Variants in SCN4A observed in about 807,000 individuals in gnomAD.
The protein encoded by SCN4A is sodium channel protein type 4 subunit alpha.
A neutral mutation model predicts 162.0 loss-of-function variants in SCN4A; 83 were observed. That is an observed-to-expected ratio of 0.51 (90% CI 0.43 to 0.61). The LOEUF is 0.61. Ranked by LOEUF, SCN4A falls within the 20% of genes least tolerant of loss-of-function variation. SCN4A has a pLI of 0.00. For missense variants in SCN4A, 2,196 were observed against 2,462.5 expected (o/e 0.89, Z 2.29); for synonymous variants, 944 against 985.1 (o/e 0.96, Z 0.78).
At chr17:63,953,347 G>A (rs1027631496) in intron 13 of SCN4A, among the ~76,000 whole-genome samples, 5 of 151,610 alleles carry the variant, frequency 3.3e-5, no homozygotes, top group African/African-American at 9.7e-5. Context: ...GCGACAGAGC[G>A]AGACTCCATC....
chr17:63,964,704 G>A, intron 8 of SCN4A, 27 bp from the exon 9 acceptor site: 3 of 1,575,002 alleles, frequency 1.9e-6, no homozygotes, highest in Non-Finnish European at 2.6e-6. Flanking sequence ...AGGGAGTGGA[G>A]GGGTCCCATG....
chr17:63,947,013 C>CCCCCCCCCCCCAGGGCCCCTG, intron 18 of SCN4A, 32 bp downstream of exon 18: 1 of 1,459,526 alleles, frequency 6.9e-7, no homozygotes, highest in Non-Finnish European at 9.4e-7. Context: ...CCCCCATCCC[C>CCCCCCCCCCCCAGGGCCCCTG]AGCCCACCCC....
Position 63,957,725 on chromosome 17 carries a change from C to T in SCN4A, c.2020-207G>A, listed in dbSNP as rs544164156. ...TGTTAAAAAGAAAACAAGTCCAGGC[C>T]AGGCGCGGTGGCTCACGCCTGTAAT... On this transcript the variant is annotated intron_variant, in intron 12 of 23. Coordinates refer to ENST00000435607, the MANE Select transcript of SCN4A (RefSeq NM_000334.4). 3.3e-3 allele frequency among the ~76,000 whole-genome samples: 509 copies of T among 152,212 alleles called. 3 individuals carry two copies. Among genetic ancestry groups the T allele is most frequent in the African/African-American group, 0.011 (466 of 41,544 alleles).
In SCN4A at chr17:63,972,254, G is replaced by A. The variant is rs1172002407; in HGVS notation, c.393-29C>T. The A allele has an allele frequency of 6.2e-7, 1 of 1,606,666 alleles. No individual in the cohort carries two copies. Among genetic ancestry groups the A allele is most frequent in the South Asian group, 1.1e-5 (1 of 90,432 alleles). ...GGGCAGGGTCAAGGAAAGTGAGGAA[G>A]CAGCTAGGATGGGAGGTGATAGAGG... On this transcript the variant is annotated intron_variant, in intron 2 of 23. Transcript: ENST00000435607. The surrounding 1 kb of genome is among the most constrained non-coding windows in gnomAD (Gnocchi z 4.3).
At position 63,945,329 on chromosome 17, in the gene SCN4A, G is replaced by T. The variant is rs746012374; in HGVS notation, c.3720+31C>A. The T allele has an allele frequency of 2.5e-6, 4 of 1,588,342 alleles. No individual in the cohort carries two copies. Among genetic ancestry groups the T allele is most frequent in the Admixed American group, 3.4e-5 (2 of 59,310 alleles). On this transcript the variant is annotated intron_variant, in intron 19 of 23. Transcript: ENST00000435607. This position sits in a 1 kb window ranked among gnomAD's most constrained non-coding sequence, Gnocchi z 4.4. Reference sequence around the variant, plus strand: ...CGGGGTGGGGGGCACCTCCATCCAGGTTCCCGGCAGGGGTGGTGGGTCACA... The same window carrying T: ...CGGGGTGGGGGGCACCTCCATCCAGTTTCCCGGCAGGGGTGGTGGGTCACA...
In SCN4A at chr17:63,940,835, G is replaced by C; in HGVS notation, c.5447C>G (p.Ala1816Gly). 3.1e-6 allele frequency: 5 copies of C among 1,609,238 alleles called. No individual in the cohort carries two copies. Among genetic ancestry groups the C allele is most frequent in the Non-Finnish European group, 4.2e-6 (5 of 1,176,844 alleles). The change falls in exon 24 of 24, where the codon GCC (alanine) becomes GGC (glycine). Residue 1816 changes from alanine to glycine, a missense_variant. Ala to Gly is a moderately conservative substitution (Grantham distance 60, BLOSUM62 0). Coordinates refer to ENST00000435607, the MANE Select transcript of SCN4A (RefSeq NM_000334.4). The stretch of plus-strand genomic sequence containing the variant: ...CCCTGGGGGAGGGGCGGGAGGCCAG[G>C]CAGTGTCTGAGGGGCTGATGGGCAT... ...GLMPISPSDT[A>G]WPPAPPPGQT...
rs373856765 is a variant in SCN4A at position 63,968,205 on chromosome 17, G to A, written c.854C>T (p.Pro285Leu). Reference protein sequence around the residue: ...NLRQKCVRWPPPFNDTNTTWY... With the variant: ...NLRQKCVRWPLPFNDTNTTWY... ...CGTGGTGTTGGTGTCGTTGAACGGC[G>A]GGGGCCAGCGCACACACTTCTGCCT... The change falls in exon 6 of 24, where the codon CCG becomes CTG. Residue 285 changes from proline (P) to leucine (L), a missense_variant. Physicochemically the swap from Pro to Leu is moderately conservative, Grantham distance 98. Transcript: ENST00000435607. 17 of 1,613,850 alleles carry A rather than the reference G, an allele frequency of 1.1e-5. No homozygotes were observed. Among genetic ancestry groups the A allele is most frequent in the South Asian group, 3.3e-5 (3 of 91,086 alleles).
At chr17:63,961,695 A>G (rs1038707353) in intron 10 of SCN4A, 4 of 497,600 alleles carry the variant, frequency 8.0e-6, no homozygotes, top group Non-Finnish European at 1.5e-5. Context: ...CTCAGTGAGC[A>G]CCCTCCAGAT....
intron 6 of SCN4A, 34 bp from the exon 7 acceptor site, chr17:63,966,578 C>T (rs1021422274): frequency 6.4e-7 from 1 of 1,551,890 alleles, no homozygotes; most frequent in Non-Finnish European, 8.9e-7. Flanking sequence ...GGAGGCAAGT[C>T]ACCCACATGG....
rs201555161 is a variant in SCN4A, at chr17:63,940,799, C to T, written c.5483G>A (p.Arg1828His). 12 of 1,588,848 alleles carry T rather than the reference C, an allele frequency of 7.6e-6. No homozygotes were observed. In the African/African-American group the frequency reaches 9.5e-5, roughly 13 times the overall value. The change falls in exon 24 of 24, where the codon CGC (arginine) becomes CAC (histidine). Residue 1828 changes from arginine to histidine, a missense_variant. By Grantham distance (29) the Arg-to-His change is conservative. Transcript: ENST00000435607. ...GACAAGAGACTCCTTGACACCTGGG[C>T]GCACAGTCTGCCCTGGGGGAGGGGC... ...PPAPPPGQTV[R>H]PGVKESLV
chr17:63,945,335 G>A lies in SCN4A; in HGVS notation c.3720+25C>T, dbSNP rs765154060. On this transcript the variant is annotated intron_variant, in intron 19 of 23. Coordinates refer to ENST00000435607, the MANE Select transcript of SCN4A (RefSeq NM_000334.4). The surrounding 1 kb of genome is among the most constrained non-coding windows in gnomAD (Gnocchi z 4.4). ...GGGGGGCACCTCCATCCAGGTTCCC[G>A]GCAGGGGTGGTGGGTCACACTCACC... The A allele has an allele frequency of 3.9e-5, 62 of 1,592,928 alleles. No homozygotes were observed. The South Asian group carries it at 6.4e-4, about 16-fold the overall frequency.
intron 16 of SCN4A, among the ~76,000 whole-genome samples, 196 bp from the exon 17 acceptor site, chr17:63,948,259 T>C (rs961669649): frequency 2.0e-5 from 3 of 152,098 alleles, no homozygotes; most frequent in African/African-American, 7.2e-5. Context: ...GGAGAATCCC[T>C]CAGCCCCCCT....
At chr17:63,949,550 A>G (rs1214547650) in intron 14 of SCN4A, 22 bp from the exon 15 acceptor site, 1 of 1,588,028 alleles carries the variant, frequency 6.3e-7, no homozygotes, top group Non-Finnish European at 8.6e-7. Flanking sequence ...ACAGGGTCAC[A>G]TGACATCTGG....
In SCN4A at chr17:63,950,580, G is replaced by C. The variant is rs900151803; in HGVS notation, c.2853+844C>G. On this transcript the variant is annotated intron_variant, in intron 14 of 23. Transcript: ENST00000435607. This position sits in a 1 kb window ranked among gnomAD's most constrained non-coding sequence, Gnocchi z 4.6. ...CGCTTCCTGGTAAGCCAGCATATTTGGGGGGAATAAGGAGTCAAAAGCTTT... is the reference window on the plus strand; with the variant it reads ...CGCTTCCTGGTAAGCCAGCATATTTCGGGGGAATAAGGAGTCAAAAGCTTT... Among the ~76,000 whole-genome samples the C allele has an allele frequency of 6.6e-6, 1 of 152,150 alleles. No homozygotes were observed. Among genetic ancestry groups the C allele is most frequent in the Non-Finnish European group, 1.5e-5 (1 of 68,012 alleles).
rs1237471647 is a variant in SCN4A at position 63,941,612 on chromosome 17, A to G, written c.4670T>C (p.Leu1557Pro). ...CTTGACACTGGTGCCCGGGTTCTCC[A>G]GGTTGGGGTCACAGTCTGGGGGCCC... Reference protein sequence around the residue: ...NSGPPDCDPNLENPGTSVKGD... With the variant: ...NSGPPDCDPNPENPGTSVKGD... Residue 1557 changes from leucine (L) to proline (P), a missense_variant, in exon 24 of 24, where the codon CTG becomes CCG. Leu to Pro is a moderately conservative substitution (Grantham distance 98, BLOSUM62 -3). Coordinates refer to ENST00000435607, the MANE Select transcript of SCN4A (RefSeq NM_000334.4). This position sits in a 1 kb window ranked among gnomAD's most constrained non-coding sequence, Gnocchi z 6.2. 6.2e-7 allele frequency: 1 copy of G among 1,613,900 alleles called. No individual in the cohort carries two copies. Among genetic ancestry groups the G allele is most frequent in the African/African-American group, 1.3e-5 (1 of 74,880 alleles).
At chr17:63,943,238 A>AG in intron 22 of SCN4A, 142 bp from the exon 23 acceptor site, 1 of 967,302 alleles carries the variant, frequency 1.0e-6, no homozygotes, top group Non-Finnish European at 1.5e-6. Flanking sequence ...GAGAGAGAGA[A>AG]AGGAGGTGTT....
rs369430465 is a variant in SCN4A, at chr17:63,948,773, G to A, written c.2990-8C>T. Reference sequence around the variant, plus strand: ...GCCAGCGCTGCACGCAGGCTGATGGGGTGAGGGGGGACAGGGACAGGCACC... The same window carrying A: ...GCCAGCGCTGCACGCAGGCTGATGGAGTGAGGGGGGACAGGGACAGGCACC... On this transcript the variant is annotated splice_region_variant and splice_polypyrimidine_tract_variant and intron_variant, in intron 15 of 23. Coordinates refer to ENST00000435607, the MANE Select transcript of SCN4A (RefSeq NM_000334.4). The A allele has an allele frequency of 2.4e-5, 38 of 1,593,644 alleles. No homozygotes were observed. The highest frequency in any genetic ancestry group is 3.3e-5 in the Non-Finnish European group (38 of 1,166,618).
At position 63,944,747 on chromosome 17, in the gene SCN4A, T is replaced by G. The variant is rs775875533; in HGVS notation, c.3838A>C (p.Ile1280Leu). ...TTGAGGGTGAAGAAGGAGCCAAAGA[T>G]GATGAAGATGACAAAGTAGAGGTAC... is the stretch of plus-strand genomic sequence containing the variant. ...YMYLYFVIFI[I>L]FGSFFTLNLF... is the part of the protein sequence containing the mutation. Residue 1280 changes from isoleucine to leucine, a missense_variant, in exon 21 of 24, where the codon ATC (isoleucine) becomes CTC (leucine). Physicochemically the swap from Ile to Leu is conservative, Grantham distance 5. Transcript: ENST00000435607. The surrounding 1 kb of genome is among the most constrained non-coding windows in gnomAD (Gnocchi z 4.3). 1 of 1,613,816 alleles carries G rather than the reference T, an allele frequency of 6.2e-7. No homozygotes were observed. The highest frequency in any genetic ancestry group is 8.5e-7 in the Non-Finnish European group (1 of 1,179,830).
chr17:63,967,995 C>T, intron 6 of SCN4A, 28 bp downstream of exon 6: 1 of 1,594,888 alleles, frequency 6.3e-7, no homozygotes, highest in Non-Finnish European at 8.6e-7. Flanking sequence ...ACAGGATCCC[C>T]CTTGCCCGTC....
Sources: gnomAD v4.1 joint callset for allele counts (sites outside exome capture counted in the v4.1 genomes callset) on GRCh38, gnomAD v4.1.1 for gene constraint, Gnocchi (gnomAD v3.1) non-coding constraint, MANE v1.5 for transcripts, NCBI Gene and HGNC (gene_info 2026-07-23, HGNC 2026-07-21) for gene names.